The following GSE1 variants were observed in gnomAD, a reference collection of about 807,000 sequenced individuals.
GSE1 encodes the protein genetic suppressor element 1.
In GSE1, 32 loss-of-function variants were observed where a neutral mutation model predicts 112.6. The observed-to-expected ratio is 0.28, with a 90% CI of 0.21 to 0.38. The LOEUF is 0.38. GSE1 is among the 10% of genes least tolerant of loss of function. The pLI is 1.00. For missense variants in GSE1, 2,348 were observed against 1,699.2 expected (o/e 1.38, Z -6.71); for synonymous variants, 1,115 against 735.6 (o/e 1.52, Z -8.35).
rs115842653 is a variant in GSE1, at chr16:85,414,967, C to T, written c.2464+57324C>T. Among the ~76,000 whole-genome samples the T allele has an allele frequency of 1.5e-3, 228 of 152,252 alleles. 1 individual carries two copies. Among genetic ancestry groups the T allele is most frequent in the African/African-American group, 3.0e-3 (125 of 41,548 alleles). ...TATTTTTATTTATTTACTTTTGATA[C>T]AGGGTCTCACTCTGTTGCCTAGGCT... On this transcript the variant is annotated intron_variant, in intron 2 of 2. Transcript: ENST00000637419.
At chr16:85,279,376 G>A (rs531384580) in intron 1 of GSE1, among the ~76,000 whole-genome samples, 2 of 152,356 alleles carry the variant, frequency 1.3e-5, no homozygotes, top group Admixed American at 1.3e-4. Context: ...GGGAGGCCAA[G>A]GCAGCGGATC....
intron 2 of GSE1, among the ~76,000 whole-genome samples, chr16:85,527,206 G>A (rs1002844641): frequency 6.6e-6 from 1 of 152,240 alleles, no homozygotes; most frequent in African/African-American, 2.4e-5. Flanking sequence ...CGCTGCCTGG[G>A]CTTGTCTCCC....
chr16:85,222,810 C>G (rs2075416697), intron 1 of GSE1, among the ~76,000 whole-genome samples: 1 of 152,182 alleles, frequency 6.6e-6, no homozygotes, highest in African/African-American at 2.4e-5. Context: ...TGGTCTCCCG[C>G]TGCTGACGGG....
chr16:85,598,818 C>T (rs1483950567), intron 1 of GSE1, among the ~76,000 whole-genome samples: 1 of 152,354 alleles, frequency 6.6e-6, no homozygotes, highest in Admixed American at 6.5e-5. Flanking sequence ...CCCCCTCGTC[C>T]GTTCTGCAGC....
chr16:85,285,017 C>G (rs1221669950), intron 1 of GSE1: 1 of 152,264 alleles, frequency 6.6e-6, no homozygotes, highest in African/African-American at 2.4e-5. Flanking sequence ...TCAACGGATG[C>G]TGACATCAGC....
At chr16:85,197,590 C>T (rs754826694) in intron 1 of GSE1, among the ~76,000 whole-genome samples, 10 of 152,152 alleles carry the variant, frequency 6.6e-5, no homozygotes, top group African/African-American at 4.8e-5. Context: ...TTTCCTGCGT[C>T]GCCGGCAGTC....
intron 1 of GSE1, among the ~76,000 whole-genome samples, chr16:85,181,309 A>G (rs959024310): frequency 2.0e-5 from 3 of 152,194 alleles, no homozygotes; most frequent in Non-Finnish European, 4.4e-5. Flanking sequence ...CTTTTCAGAT[A>G]AGGAGGCCAA....
intron 1 of GSE1, among the ~76,000 whole-genome samples, chr16:85,233,905 C>T (rs1211430085): frequency 6.6e-6 from 1 of 151,998 alleles, no homozygotes; most frequent in Non-Finnish European, 1.5e-5. Flanking sequence ...GCCCTCCTAC[C>T]CCTGCCCCCT....
rs533312289 is a variant in GSE1, at chr16:85,182,669, T to G, written c.2283+10862T>G. 8.5e-5 allele frequency among the ~76,000 whole-genome samples: 13 copies of G among 152,204 alleles called. No homozygotes were observed. The South Asian group carries it at 2.1e-3, about 24-fold the overall frequency. ...ACCTGTCTCTTGGCAGGTGACAAGG[T>G]GAACCAGGCCTGTCTTTAGGGTTTA... On this transcript the variant is annotated intron_variant, in intron 1 of 2. Coordinates refer to the GSE1 transcript ENST00000637419.
chr16:85,664,179 G>A (rs2052651788), intron 11 of GSE1, among the ~76,000 whole-genome samples: 1 of 152,256 alleles, frequency 6.6e-6, no homozygotes, highest in Non-Finnish European at 1.5e-5. Context: ...CACAACACCT[G>A]CTCAGGGTTT....
intron 1 of GSE1, among the ~76,000 whole-genome samples, chr16:85,602,747 G>T (rs1038241766): frequency 7.9e-5 from 12 of 152,306 alleles, no homozygotes; most frequent in Middle Eastern, 3.4e-3. Flanking sequence ...AGTTCCTCCC[G>T]GGCTTTTGAG....
At chr16:85,619,273 C>T (rs574398240) in intron 1 of GSE1, among the ~76,000 whole-genome samples, 17 of 152,334 alleles carry the variant, frequency 1.1e-4, no homozygotes, top group East Asian at 5.8e-4. Flanking sequence ...TTCCTGCGCT[C>T]GGATGGTGGG....
intron 2 of GSE1, among the ~76,000 whole-genome samples, chr16:85,644,644 G>A (rs1182153539): frequency 1.3e-5 from 2 of 152,282 alleles, no homozygotes; most frequent in Admixed American, 6.5e-5. Flanking sequence ...CAATGCGTGC[G>A]GGGCCTGGGG....
chr16:85,478,893 TTCTTTCTTTCTTTC>T (rs2050562680), intron 2 of GSE1, among the ~76,000 whole-genome samples: 3 of 78,180 alleles, frequency 3.8e-5, no homozygotes, highest in Non-Finnish European at 4.5e-5. Context: ...CTTTCTTTCT[TTCTTTCTTTCTTTC>T]TTTCTTTCTT....
chr16:85,420,553 C>T (rs1046352757), intron 2 of GSE1, among the ~76,000 whole-genome samples: 28 of 152,146 alleles, frequency 1.8e-4, no homozygotes, highest in Admixed American at 5.2e-4. Context: ...TCACTCAGGG[C>T]CCATGTGCCT....
rs563659602 is a variant in GSE1 at position 85,647,817 on chromosome 16, C to A, written c.227-735C>A. Among the ~76,000 whole-genome samples, 3 of 152,286 alleles carry A rather than the reference C, an allele frequency of 2.0e-5. No individual in the cohort carries two copies. In the South Asian group the frequency reaches 6.2e-4, roughly 32 times the overall value. ...GGCCAGGATGGTCTCGAACTCCTGACCTCGTGATCTGTCTGCCTCGGCCTC... is the reference window on the plus strand; with the variant it reads ...GGCCAGGATGGTCTCGAACTCCTGAACTCGTGATCTGTCTGCCTCGGCCTC... On this transcript the variant is annotated intron_variant, in intron 2 of 15. Transcript: ENST00000253458.
chr16:85,388,268 A>G (rs62648808), intron 2 of GSE1, among the ~76,000 whole-genome samples: 85,279 of 85,848 alleles, frequency 0.99, 42,364 homozygotes, highest in South Asian at 1. Context: ...GTATGGCTGG[A>G]TGGATGGGTG....
intron 8 of GSE1, among the ~76,000 whole-genome samples, chr16:85,659,948 C>G (rs2052295697): frequency 2.0e-5 from 3 of 152,228 alleles, no homozygotes; most frequent in African/African-American, 7.2e-5. Flanking sequence ...GCAGTCTCGG[C>G]ACAGGCCCCA....
intron 2 of GSE1, among the ~76,000 whole-genome samples, chr16:85,634,381 G>A (rs1246882261): frequency 1.3e-5 from 2 of 152,174 alleles, no homozygotes; most frequent in African/African-American, 2.4e-5. Context: ...AGCCACTGCA[G>A]GGGTGTCCGG....
Sources: allele counts gnomAD v4.1 joint callset (sites outside exome capture counted in the v4.1 genomes callset), GRCh38; gene constraint gnomAD v4.1.1; transcripts MANE v1.5; gene names NCBI Gene and HGNC (gene_info 2026-07-23, HGNC 2026-07-21).